The following MYO1F variants were observed in gnomAD, a reference collection of about 807,000 sequenced individuals.
The protein encoded by MYO1F is unconventional myosin-If.
A neutral mutation model predicts 146.6 loss-of-function variants in MYO1F; 60 were observed. The observed-to-expected ratio is 0.41, with a 90% CI of 0.33 to 0.51. The LOEUF is 0.51. Among genes scored for constraint, MYO1F ranks in the 20% least tolerant of loss-of-function variants. The pLI is 0.25. For missense variants in MYO1F, 1,274 were observed against 1,534.3 expected (o/e 0.83, Z 2.83); for synonymous variants, 602 against 602.1 (o/e 1.00, Z 0.00).
chr19:8,548,428 T>C, intron 10 of MYO1F, 111 bp from the exon 11 acceptor site: 2 of 966,830 alleles, frequency 2.1e-6, no homozygotes, highest in Non-Finnish European at 3.3e-6. Context: ...TGTCCCCTCA[T>C]GCCAGTTTCC....
At position 8,522,463 on chromosome 19, in the gene MYO1F, C is replaced by T. The variant is rs1187385418; in HGVS notation, c.3134G>A (p.Arg1045Lys). The change falls in exon 27 of 28, where the codon AGG (arginine) becomes AAG (lysine). Residue 1045 changes from arginine (R) to lysine (K), a missense_variant. By Grantham distance (26) the Arg-to-Lys change is conservative. This residue lies in a region of MYO1F where 374 missense variants were observed against 379.2 expected (regional missense o/e 0.99). Transcript: ENST00000644032. ...PKPQPRTHGP[R>K]CRALYQYVGQ... is the part of the protein sequence containing the mutation. ...CACGTACTGGTATAGGGCCCGGCAC[C>T]TGGGACCATGTGTCCGAGGCTGGGG... 1.2e-6 allele frequency: 2 copies of T among 1,614,106 alleles called. No homozygotes were observed. Among genetic ancestry groups the T allele is most frequent in the East Asian group, 4.5e-5 (2 of 44,882 alleles).
intron 1 of MYO1F, among the ~76,000 whole-genome samples, chr19:8,567,690 C>T (rs1483381439): frequency 6.6e-6 from 1 of 152,198 alleles, no homozygotes; most frequent in Non-Finnish European, 1.5e-5. Flanking sequence ...AACTACAGCA[C>T]AGAGAGGTTA....
At position 8,550,984 on chromosome 19, in the gene MYO1F, G is replaced by A. The variant is rs942880826; in HGVS notation, c.772-290C>T. The stretch of plus-strand genomic sequence containing the variant: ...CAACCTCCTCATCCCAGGTTCAAGC[G>A]ATTTTCCTGCCTCCGCCTCCCGAGT... On this transcript the variant is annotated intron_variant, in intron 8 of 27. Coordinates refer to ENST00000644032, the MANE Select transcript of MYO1F (RefSeq NM_012335.4). Among the ~76,000 whole-genome samples, 16 of 151,602 alleles carry A rather than the reference G, an allele frequency of 1.1e-4. No individual in the cohort carries two copies. The Middle Eastern group carries it at 0.021, about 200-fold the overall frequency.
chr19:8,559,678 G>A (rs1019897347), intron 1 of MYO1F, among the ~76,000 whole-genome samples: 6 of 152,026 alleles, frequency 3.9e-5, no homozygotes, highest in South Asian at 2.1e-4. Context: ...GACCGGGCGC[G>A]GTGGCTCACA....
intron 25 of MYO1F, chr19:8,525,186 T>C (rs540321460): frequency 1.6e-3 from 450 of 290,050 alleles, no homozygotes; most frequent in Non-Finnish European, 1.3e-3. Flanking sequence ...GGAGACAGAG[T>C]TGGACTCCAT....
rs555715911 is a variant in MYO1F at position 8,527,409 on chromosome 19, A to C, written c.2403T>G (p.Pro801=). The C allele has an allele frequency of 6.2e-7, 1 of 1,614,038 alleles. No individual in the cohort carries two copies. Among genetic ancestry groups the C allele is most frequent in the African/African-American group, 1.3e-5 (1 of 75,024 alleles). The change falls in exon 22 of 28, where the codon CCT becomes CCG. Residue 801 remains proline (P), a synonymous_variant. Coordinates refer to ENST00000644032, the MANE Select transcript of MYO1F (RefSeq NM_012335.4). ...VIGREKVKKG[P]EKGQVCEVLK... Reference sequence around the variant, plus strand: ...AGACTTCACACACCTGGCCCTTCTCAGGTCCCTTCTTCACTTTCTCTCGCC... The same window carrying C: ...AGACTTCACACACCTGGCCCTTCTCCGGTCCCTTCTTCACTTTCTCTCGCC...
rs748836525 is a variant in MYO1F, at chr19:8,551,712, G to A, written c.771+28C>T. 213 of 1,613,788 alleles carry A rather than the reference G, an allele frequency of 1.3e-4. 1 individual carries two copies. The highest frequency in any genetic ancestry group is 1.7e-4 in the Admixed American group (10 of 59,966). On this transcript the variant is annotated intron_variant, in intron 8 of 27. Transcript: ENST00000644032. ...TTCTGGGGCTGAGGTCTGCCTGGCC[G>A]GGGACTGGAGTAGAGGCCGGTGCTC...
intron 25 of MYO1F, 163 bp downstream of exon 25, chr19:8,525,316 T>A (rs1348140890): frequency 8.5e-6 from 5 of 585,084 alleles, no homozygotes; most frequent in Non-Finnish European, 1.5e-5. Context: ...AATGCCAAAC[T>A]AAGTTTAGCC....
In MYO1F at chr19:8,532,901, A is replaced by AAAAAAAATATAT. The variant is rs1172873322; in HGVS notation, c.2044-2329_2044-2328insATATATTTTTTT. On this transcript the variant is annotated intron_variant, in intron 19 of 27. Transcript: ENST00000644032. ...AGATCCTGTCTCAGAAAAAAAAAAAAATACACACACACACACACACACACA... is the reference window on the plus strand; with the variant it reads ...AGATCCTGTCTCAGAAAAAAAAAAAAAAAAAAATATATATACACACACACACACACACACACA... Among the ~76,000 whole-genome samples the AAAAAAAATATAT allele has an allele frequency of 7.3e-3, 351 of 47,836 alleles. 1 individual carries two copies. The highest frequency in any genetic ancestry group is 0.017 in the Middle Eastern group (2 of 118). 31.4% of individuals were successfully genotyped at this position (47,836 alleles called of 152,430 possible).
At chr19:8,534,178 A>T (rs536712818) in intron 19 of MYO1F, among the ~76,000 whole-genome samples, 2 of 105,066 alleles carry the variant, frequency 1.9e-5, no homozygotes, top group Admixed American at 9.4e-5. Flanking sequence ...GACTCTGTCT[A>T]AAAAAAAAAA....
At chr19:8,537,602 C>T (rs1294904821) in intron 16 of MYO1F, among the ~76,000 whole-genome samples, 9 of 151,932 alleles carry the variant, frequency 5.9e-5, no homozygotes, top group East Asian at 3.9e-4. Flanking sequence ...CCACCACACC[C>T]GGATAATTTT....
At chr19:8,562,370 C>T (rs1379647232) in intron 1 of MYO1F, among the ~76,000 whole-genome samples, 3 of 151,742 alleles carry the variant, frequency 2.0e-5, no homozygotes, top group Middle Eastern at 3.4e-3. Flanking sequence ...TGCACTGGTG[C>T]GATCATACCT....
chr19:8,559,903 T>C (rs1046712158), intron 1 of MYO1F, among the ~76,000 whole-genome samples: 2 of 148,566 alleles, frequency 1.3e-5, no homozygotes, highest in African/African-American at 5.0e-5. Flanking sequence ...TGAGCCCAGA[T>C]TGTGCCATTG....
At position 8,539,880 on chromosome 19, in the gene MYO1F, G is replaced by C. The variant is rs1396549151; in HGVS notation, c.1692+67C>G. On this transcript the variant is annotated intron_variant, in intron 16 of 27. Transcript: ENST00000644032. The stretch of plus-strand genomic sequence containing the variant: ...CGTTGGAATGAGAGAAACAGAGTCC[G>C]GACCCCAGGTAGGGTGGAACTCAGC... 6.5e-6 allele frequency: 9 copies of C among 1,393,880 alleles called. No individual in the cohort carries two copies. The Middle Eastern group carries it at 9.3e-4, about 143-fold the overall frequency. The allele number at this position is 1,393,880 out of a possible 1,614,324, so 86.3% of individuals were successfully genotyped here.
chr19:8,575,423 G>A (rs1447348443), intron 1 of MYO1F, among the ~76,000 whole-genome samples: 2 of 151,984 alleles, frequency 1.3e-5, no homozygotes, highest in Non-Finnish European at 2.9e-5. Flanking sequence ...CCTCGTGTGT[G>A]CAGTTCACAA....
chr19:8,543,714 G>C lies in MYO1F; in HGVS notation c.1524+583C>G, dbSNP rs58681956. Among the ~76,000 whole-genome samples, 127 of 17,970 alleles carry C rather than the reference G, an allele frequency of 7.1e-3. 4 individuals carry two copies. The highest frequency in any genetic ancestry group is 0.023 in the African/African-American group (100 of 4,370). 11.8% of individuals were successfully genotyped at this position (17,970 alleles called of 152,430 possible). ...GGTGGTGGTGGTGGTGGTGCTGGTG[G>C]TGGTGGTGGTGCTGGTGGTGCTGGT... On this transcript the variant is annotated intron_variant, in intron 14 of 27. Coordinates refer to ENST00000644032, the MANE Select transcript of MYO1F (RefSeq NM_012335.4).
intron 19 of MYO1F, among the ~76,000 whole-genome samples, chr19:8,533,272 A>G (rs562277075): frequency 6.9e-4 from 105 of 151,750 alleles, no homozygotes; most frequent in Non-Finnish European, 4.4e-4. Context: ...CAAGGAATCT[A>G]CCAGCCTTGA....
At chr19:8,525,199 CAAA>C (rs60806727) in intron 25 of MYO1F, 1,457 of 79,900 alleles carry the variant, frequency 0.018, no homozygotes, top group South Asian at 0.047. Flanking sequence ...GACTCCATCT[CAAA>C]AAAAAAAAAA....
chr19:8,564,599 G>A (rs78236562), intron 1 of MYO1F, among the ~76,000 whole-genome samples: 3 of 151,930 alleles, frequency 2.0e-5, no homozygotes, highest in Non-Finnish European at 2.9e-5. Flanking sequence ...AGGAGCCATC[G>A]ACTCAACCCT....
Sources: gnomAD v4.1 joint callset for allele counts (sites outside exome capture counted in the v4.1 genomes callset) on GRCh38, gnomAD v4.1.1 for gene constraint, gnomAD v4.1.1 regional missense constraint, MANE v1.5 for transcripts, NCBI Gene and HGNC (gene_info 2026-07-23, HGNC 2026-07-21) for gene names.